The following CYTH1 variants were observed in gnomAD, a reference collection of about 807,000 sequenced individuals.
The protein encoded by CYTH1 is cytohesin-1.
CYTH1 carries 18 observed loss-of-function variants against 61.8 expected under a neutral mutation model. That is an observed-to-expected ratio of 0.29 (90% CI 0.20 to 0.43). The LOEUF is 0.43. Ranked by LOEUF, CYTH1 falls within the 20% of genes least tolerant of loss-of-function variation. The pLI is 1.00. For synonymous variants in CYTH1, 174 were observed against 184.3 expected (o/e 0.94, Z 0.45); for missense variants, 336 against 510.5 (o/e 0.66, Z 3.29).
chr17:78,692,579 A>C, intron 10 of CYTH1, 86 bp from the exon 11 acceptor site: 58 of 1,318,062 alleles, frequency 4.4e-5, no homozygotes, highest in Non-Finnish European at 6.0e-5. Flanking sequence ...CTCTCTTCTC[A>C]GAGAGGGTTG....
chr17:78,686,635 G>C (rs1246453013), intron 11 of CYTH1, among the ~76,000 whole-genome samples: 1 of 152,176 alleles, frequency 6.6e-6, no homozygotes, highest in East Asian at 1.9e-4. Context: ...GTCAGGGTTT[G>C]CTCCATCTAT....
At chr17:78,744,994 T>C (rs1001331684) in intron 1 of CYTH1, among the ~76,000 whole-genome samples, 1 of 152,216 alleles carries the variant, frequency 6.6e-6, no homozygotes, top group Non-Finnish European at 1.5e-5. Flanking sequence ...CTTATTTAGT[T>C]TCTATCAAGA....
intron 1 of CYTH1, 35 bp downstream of exon 1, chr17:78,782,167 C>T (rs780344196): frequency 7.4e-7 from 1 of 1,352,550 alleles, no homozygotes; most frequent in South Asian, 1.6e-5. Flanking sequence ...TGGGGGACAG[C>T]GAGGGGGAAG....
chr17:78,676,359 A>G, intron 13 of CYTH1, 190 bp from the exon 14 acceptor site: 1 of 592,526 alleles, frequency 1.7e-6, no homozygotes. Flanking sequence ...ACACACTTCG[A>G]AAGAGACACA....
chr17:78,706,259 T>C (rs778718585), intron 3 of CYTH1, among the ~76,000 whole-genome samples: 1 of 152,208 alleles, frequency 6.6e-6, no homozygotes, highest in Non-Finnish European at 1.5e-5. Context: ...CTGCCATCCC[T>C]GTAAGTTCCC....
intron 1 of CYTH1, among the ~76,000 whole-genome samples, chr17:78,760,408 TGTATATATATATATATACACATAC>T (rs2093419057): frequency 1.8e-5 from 1 of 54,922 alleles, no homozygotes; most frequent in African/African-American, 6.4e-5. Context: ...TATATATATG[TGTATATATATATATATACACATAC>T]ATATATATAT....
At chr17:78,728,229 C>T (rs754296216) in intron 1 of CYTH1, among the ~76,000 whole-genome samples, 5 of 152,168 alleles carry the variant, frequency 3.3e-5, no homozygotes, top group Non-Finnish European at 5.9e-5. Flanking sequence ...TCAAAGTTCT[C>T]GTACATACAC....
At chr17:78,769,146 A>G (rs1598925337) in intron 1 of CYTH1, among the ~76,000 whole-genome samples, 2 of 52,592 alleles carry the variant, frequency 3.8e-5, no homozygotes, top group South Asian at 6.8e-4. Flanking sequence ...ACTATGTCTC[A>G]AAAAAAAAAA....
At chr17:78,701,825 A>G (rs779113395) in intron 5 of CYTH1, 74 bp from the exon 6 acceptor site, 4 of 1,468,108 alleles carry the variant, frequency 2.7e-6, no homozygotes, top group Non-Finnish European at 1.9e-6. Flanking sequence ...CAGCCAGGCC[A>G]TGTCTCCTAC....
At chr17:78,742,888 A>C (rs991279730) in intron 1 of CYTH1, among the ~76,000 whole-genome samples, 1 of 152,160 alleles carries the variant, frequency 6.6e-6, no homozygotes, top group Non-Finnish European at 1.5e-5. Context: ...TAAAAAATAA[A>C]GTGCTAGCCT....
intron 1 of CYTH1, among the ~76,000 whole-genome samples, chr17:78,752,506 C>T (rs148621327): frequency 2.1e-3 from 315 of 152,174 alleles, no homozygotes; most frequent in Middle Eastern, 0.02. Context: ...GATCTCAGCT[C>T]ACCACAACCT....
chr17:78,758,594 C>A (rs1323915574), intron 1 of CYTH1, among the ~76,000 whole-genome samples: 1 of 152,178 alleles, frequency 6.6e-6, no homozygotes, highest in African/African-American at 2.4e-5. Context: ...ATCCCAGCTA[C>A]TCGCTAGGCT....
chr17:78,692,631 A>T (rs2092900197), intron 10 of CYTH1, 138 bp from the exon 11 acceptor site: 1 of 694,402 alleles, frequency 1.4e-6, no homozygotes, highest in East Asian at 2.6e-5. Flanking sequence ...CAACATTGAC[A>T]TCAGTAACAA....
intron 1 of CYTH1, among the ~76,000 whole-genome samples, chr17:78,762,526 A>G (rs1289271288): frequency 6.6e-6 from 1 of 152,228 alleles, no homozygotes; most frequent in Non-Finnish European, 1.5e-5. Context: ...TCGGCAGGAT[A>G]ATGGTCCCAA....
Position 78,717,260 on chromosome 17 carries a change from G to A in CYTH1, c.23-7528C>T, listed in dbSNP as rs997837677. ...GGGAGCCGCCCTGACACACCACCCGGTCGCTCGCCCTCCTCGCCCATTGCC... is the reference window on the plus strand; with the variant it reads ...GGGAGCCGCCCTGACACACCACCCGATCGCTCGCCCTCCTCGCCCATTGCC... On this transcript the variant is annotated intron_variant, in intron 1 of 13. Transcript: ENST00000446868. The surrounding 1 kb of genome is among the most constrained non-coding windows in gnomAD (Gnocchi z 4.4). Among the ~76,000 whole-genome samples, 16 of 152,168 alleles carry A rather than the reference G, an allele frequency of 1.1e-4. No homozygotes were observed. The highest frequency in any genetic ancestry group is 2.1e-4 in the Non-Finnish European group (14 of 68,040).
chr17:78,737,080 A>C (rs2093323661), intron 1 of CYTH1: 1 of 152,304 alleles, frequency 6.6e-6, no homozygotes, highest in Admixed American at 6.5e-5. Flanking sequence ...CTTTTCTCAA[A>C]CTCAACCAAA....
intron 1 of CYTH1, among the ~76,000 whole-genome samples, chr17:78,734,754 T>G (rs1016695932): frequency 2.6e-5 from 4 of 152,144 alleles, no homozygotes; most frequent in Non-Finnish European, 5.9e-5. Context: ...AGCAATATTT[T>G]TAACCTAAAA....
intron 1 of CYTH1, among the ~76,000 whole-genome samples, chr17:78,750,155 A>G (rs2093374347): frequency 1.3e-5 from 2 of 152,214 alleles, no homozygotes; most frequent in South Asian, 4.1e-4. Flanking sequence ...CCACTAGCAC[A>G]TCAGCAGCAG....
rs979803908 is a variant in CYTH1, at chr17:78,717,313, A to G, written c.23-7581T>C. ...AGGGGCACCCGGAATCCATGCCCACAAAGGTTAATCTGCAAGGTGTCCGGC... is the reference window on the plus strand; with the variant it reads ...AGGGGCACCCGGAATCCATGCCCACGAAGGTTAATCTGCAAGGTGTCCGGC... On this transcript the variant is annotated intron_variant, in intron 1 of 13. Coordinates refer to ENST00000446868, the MANE Select transcript of CYTH1 (RefSeq NM_004762.6). This position sits in a 1 kb window ranked among gnomAD's most constrained non-coding sequence, Gnocchi z 4.4. 4.6e-5 allele frequency among the ~76,000 whole-genome samples: 7 copies of G among 152,184 alleles called. No homozygotes were observed. Among genetic ancestry groups the G allele is most frequent in the Non-Finnish European group, 1.0e-4 (7 of 68,030 alleles).
Sources: allele counts gnomAD v4.1 joint callset (sites outside exome capture counted in the v4.1 genomes callset), GRCh38; gene constraint gnomAD v4.1.1; non-coding constraint Gnocchi (gnomAD v3.1); transcripts MANE v1.5; gene names NCBI Gene and HGNC (gene_info 2026-07-23, HGNC 2026-07-21).